The following ARRDC1 variants were observed in gnomAD, a reference collection of about 807,000 sequenced individuals.
ARRDC1 encodes the protein arrestin domain-containing protein 1.
Under a neutral mutation model 40.1 loss-of-function variants are expected in ARRDC1, and 37 were observed. The observed-to-expected ratio is 0.92, with a 90% CI of 0.71 to 1.21. ARRDC1 has a LOEUF of 1.21. ARRDC1 is among the 50% of genes most tolerant of loss of function. The pLI, the probability that ARRDC1 is intolerant of heterozygous loss-of-function variation, is 0.00. For missense variants in ARRDC1, 641 were observed against 581.9 expected, an observed-to-expected ratio of 1.10 and a Z score of -1.04; for synonymous variants, 310 against 262.5, an observed-to-expected ratio of 1.18 and a Z score of -1.75.
At chr9:137,610,632 C>T (rs180883176) in intron 1 of ARRDC1, among the ~76,000 whole-genome samples, 244 of 151,594 alleles carry the variant, frequency 1.6e-3, no homozygotes, top group Middle Eastern at 3.4e-3. Context: ...GGCGCGATCT[C>T]GGCTCACTGC....
At chr9:137,606,949 G>A (rs1842434096) in intron 1 of ARRDC1, among the ~76,000 whole-genome samples, 1 of 152,222 alleles carries the variant, frequency 6.6e-6, no homozygotes, top group Non-Finnish European at 1.5e-5. Flanking sequence ...GGGAAGGGAC[G>A]GCCCCGCGGT....
Position 137,614,307 on chromosome 9 carries a change from C to T in ARRDC1, c.627C>T (p.Ser209=). The T allele has an allele frequency of 3.1e-6, 5 of 1,597,924 alleles. No individual in the cohort carries two copies. The East Asian group carries it at 6.7e-5, about 21-fold the overall frequency. The change falls in exon 6 of 8, where the codon TCC becomes TCT. Residue 209 remains serine, a synonymous_variant. Transcript: ENST00000371421. ...GGCTGGTCCTTCCCCAGAAAGTGTCCTATAAGGCCAAGCGCTGGATCCACG... is the reference window on the plus strand; with the variant it reads ...GGCTGGTCCTTCCCCAGAAAGTGTCTTATAAGGCCAAGCGCTGGATCCACG... The part of the protein sequence containing the change: ...PVVASLLQKV[S]YKAKRWIHDV...
chr9:137,605,943 T>G, intron 1 of ARRDC1, 108 bp downstream of exon 1: 1 of 617,204 alleles, frequency 1.6e-6, no homozygotes, highest in Non-Finnish European at 2.3e-6. Context: ...GGAGTCGCTG[T>G]CTTCGCCGCC....
In ARRDC1 at chr9:137,608,083, C is replaced by T. The variant is rs1426551718; in HGVS notation, c.118+2248C>T. ...CTGCAAGCTCCGCCTCCCCGGTTCA[C>T]GCCATTCTCCTGCCTCAGCCTCCTT... On this transcript the variant is annotated intron_variant, in intron 1 of 7. Transcript: ENST00000371421. Among the ~76,000 whole-genome samples, 8 of 152,246 alleles carry T rather than the reference C, an allele frequency of 5.3e-5. No individual in the cohort carries two copies. In the South Asian group the frequency reaches 1.7e-3, roughly 32 times the overall value.
chr9:137,613,264 T>C (rs1564502116), intron 2 of ARRDC1, 196 bp from the exon 3 acceptor site: 3 of 763,962 alleles, frequency 3.9e-6, no homozygotes, highest in Non-Finnish European at 6.6e-6. Flanking sequence ...CCCAAACCAC[T>C]CTCCTGTTCA....
intron 1 of ARRDC1, among the ~76,000 whole-genome samples, chr9:137,610,570 A>AT (rs71387852): frequency 0.14 from 19,026 of 135,008 alleles, 1,693 homozygotes; most frequent in Admixed American, 0.3. Flanking sequence ...TAATTTTTGT[A>AT]TTTTTTTTTT....
chr9:137,605,878 CG>C, intron 1 of ARRDC1, 43 bp downstream of exon 1: 1 of 1,148,574 alleles, frequency 8.7e-7, no homozygotes, highest in South Asian at 3.9e-5. Flanking sequence ...CGCACCTGCG[CG>C]GGGCCAGGGC....
chr9:137,608,798 C>T lies in ARRDC1; in HGVS notation c.118+2963C>T, dbSNP rs74435969. On this transcript the variant is annotated intron_variant, in intron 1 of 7. Coordinates refer to ENST00000371421, the MANE Select transcript of ARRDC1 (RefSeq NM_152285.4). ...AGCTGTGCGGGAGCCCCTTGCCTCC[C>T]GTGTTCTTACTGAGGAGTGTGTGGG... Among the ~76,000 whole-genome samples, 375 of 152,324 alleles carry T rather than the reference C, an allele frequency of 2.5e-3. 1 individual carries two copies. The highest frequency in any genetic ancestry group is 8.5e-3 in the African/African-American group (354 of 41,574).
chr9:137,613,037 A>AC, intron 2 of ARRDC1, 31 bp downstream of exon 2: 3 of 1,554,446 alleles, frequency 1.9e-6, no homozygotes, highest in Non-Finnish European at 2.7e-6. Flanking sequence ...CCGAGTGGTG[A>AC]CCCCTGGGGG....
intron 1 of ARRDC1, among the ~76,000 whole-genome samples, chr9:137,610,015 C>T (rs957214419): frequency 2.6e-5 from 4 of 151,944 alleles, no homozygotes; most frequent in Admixed American, 6.6e-5. Flanking sequence ...GGGGTTTCAC[C>T]GTGTCAGCCA....
chr9:137,614,892 T>C lies in ARRDC1; in HGVS notation c.1129T>C (p.Ser377Pro). The change falls in exon 7 of 8, where the codon TCA becomes CCA. Residue 377 changes from serine (S) to proline (P), a missense_variant. By Grantham distance (74) the Ser-to-Pro change is moderately conservative. Coordinates refer to ENST00000371421, the MANE Select transcript of ARRDC1 (RefSeq NM_152285.4). ...SHPLHPPLCI[S>P]TGATVPYFAE... ...CCCGCTGCACCCTCCCTTGTGCATT[T>C]CAACAGGTGCCACTGTCCCCTACTT... is the stretch of plus-strand genomic sequence containing the variant. 2 of 1,613,824 alleles carry C rather than the reference T, an allele frequency of 1.2e-6. No individual in the cohort carries two copies. Among genetic ancestry groups the C allele is most frequent in the Non-Finnish European group, 1.7e-6 (2 of 1,179,992 alleles).
At chr9:137,609,973 C>T (rs1842485435) in intron 1 of ARRDC1, among the ~76,000 whole-genome samples, 1 of 152,146 alleles carries the variant, frequency 6.6e-6, no homozygotes, top group African/African-American at 2.4e-5. Context: ...GCCACCACAC[C>T]CGGCTAATTT....
chr9:137,613,446 TC>T lies in ARRDC1; in HGVS notation c.230-12del, dbSNP rs755240405. The stretch of plus-strand genomic sequence containing the variant: ...AGGGGGGGACTGCCCCCCACCTCCC[TC>T]CTGTCTCTGCAGGGAGCCTGCCCGC... On this transcript the variant is annotated splice_polypyrimidine_tract_variant and intron_variant, in intron 2 of 7. Transcript: ENST00000371421. 6 of 1,609,708 alleles carry T rather than the reference TC, an allele frequency of 3.7e-6. No individual in the cohort carries two copies. The highest frequency in any genetic ancestry group is 3.4e-6 in the Non-Finnish European group (4 of 1,179,390).
chr9:137,614,408 T>C lies in ARRDC1; in HGVS notation c.728T>C (p.Leu243Pro), dbSNP rs780366809. The C allele has an allele frequency of 1.2e-6, 2 of 1,613,186 alleles. No individual in the cohort carries two copies. The highest frequency in any genetic ancestry group is 1.7e-6 in the Non-Finnish European group (2 of 1,179,916). The change falls in exon 6 of 8, where the codon CTG becomes CCG. Residue 243 changes from leucine to proline, a missense_variant. Leu to Pro is a moderately conservative substitution (Grantham distance 98, BLOSUM62 -3). Coordinates refer to ENST00000371421, the MANE Select transcript of ARRDC1 (RefSeq NM_152285.4). ...CGGGCGCAGTGGCACGAGCAGATCC[T>C]GGTGCCTGCCTTGCCCCAGTCGGCC... ...WRRAQWHEQILVPALPQSALP... is the reference protein window; with the variant it reads ...WRRAQWHEQIPVPALPQSALP...
At chr9:137,614,532 C>T (rs771242518) in intron 6 of ARRDC1, 27 bp from the exon 7 acceptor site, 7 of 1,613,070 alleles carry the variant, frequency 4.3e-6, no homozygotes, top group South Asian at 2.2e-5. Flanking sequence ...GCCCTGGCCC[C>T]TCATGCCCCA....
chr9:137,613,222 C>G, intron 2 of ARRDC1: 1 of 736,260 alleles, frequency 1.4e-6, no homozygotes, highest in Non-Finnish European at 2.4e-6. Flanking sequence ...GGGCTCTGAC[C>G]CCTGGCACAG....
chr9:137,615,128 CT>C lies in ARRDC1; in HGVS notation c.1293del (p.Glu432ArgfsTer71). 6.5e-7 allele frequency: 1 copy of C among 1,541,688 alleles called. No individual in the cohort carries two copies. Among genetic ancestry groups the C allele is most frequent in the Non-Finnish European group, 8.8e-7 (1 of 1,142,100 alleles). On this transcript the variant is annotated frameshift_variant, in exon 8 of 8. Transcript: ENST00000371421. LOFTEE classifies it high-confidence loss of function. ...SCGGVEPSLT[P>X]ES ...GGCGGCGTGGAACCCAGCCTGACCC[CT>C]GAGAGCTGACCCCGTGCTGCCTTCT... is the stretch of plus-strand genomic sequence containing the variant.
chr9:137,614,961 AT>A lies in ARRDC1; in HGVS notation c.1200del (p.Leu401PhefsTer29). Reference sequence around the variant, plus strand: ...GCCAGTGCCCACTACCAGCACCTTGATTCTTCCTCCAGAGTACAGTTCTTGG... The same window carrying A: ...GCCAGTGCCCACTACCAGCACCTTGATCTTCCTCCAGAGTACAGTTCTTGG... ...GGPVPTTSTL[I>X]LPPEYSSWGY... is the part of the protein sequence containing the mutation. On this transcript the variant is annotated frameshift_variant, in exon 7 of 8. Coordinates refer to ENST00000371421, the MANE Select transcript of ARRDC1 (RefSeq NM_152285.4). LOFTEE classifies it high-confidence loss of function. 1.9e-6 allele frequency: 3 copies of A among 1,613,778 alleles called. No homozygotes were observed. The highest frequency in any genetic ancestry group is 2.2e-5 in the South Asian group (2 of 91,074).
At chr9:137,605,981 GCGCCGGGGAGGTCCGGGCGGCGC>G (rs1327236943) in intron 1 of ARRDC1, 146 bp downstream of exon 1, 1 of 416,624 alleles carries the variant, frequency 2.4e-6, no homozygotes, top group Non-Finnish European at 3.9e-6. Context: ...GGGCTCGGCG[GCGCCGGGGAGGTCCGGGCGGCGC>G]CGCCCTTCCG....
Sources: gnomAD v4.1 joint callset for allele counts (sites outside exome capture counted in the v4.1 genomes callset) on GRCh38, gnomAD v4.1.1 for gene constraint, MANE v1.5 for transcripts, NCBI Gene and HGNC (gene_info 2026-07-23, HGNC 2026-07-21) for gene names.